Variants in THTPA observed in about 807,000 individuals in gnomAD.
THTPA encodes the protein thiamine triphosphatase, also known as thiamine-triphosphatase.
Under a neutral mutation model 16.5 loss-of-function variants are expected in THTPA, and 16 were observed. The ratio of observed to expected loss-of-function variants is 0.97; its 90% CI spans 0.66 to 1.47. THTPA has a LOEUF of 1.47. Ranked by LOEUF, THTPA falls within the 40% of genes most tolerant of loss-of-function variation. The pLI is 0.00. For synonymous variants in THTPA, 110 were observed against 115.5 expected (o/e 0.95, Z 0.30); for missense variants, 281 against 280.9 (o/e 1.00, Z 0.00).
the THTPA span, among the ~76,000 whole-genome samples, chr14:23,546,008 GCC>G: frequency 6.6e-6 from 1 of 152,176 alleles, no homozygotes. The surrounding 1 kb of genome is among the most constrained non-coding windows in gnomAD (Gnocchi z 4.7). Context: ...CCCAAGCCCA[GCC>G]CCAAAGGGAG....
rs553527307 is a variant in THTPA at position 23,560,234 on chromosome 14, T to C, written c.*1394T>C. 2 of 1,612,208 alleles carry C rather than the reference T, an allele frequency of 1.2e-6. No homozygotes were observed. Among genetic ancestry groups the C allele is most frequent in the East Asian group, 2.2e-5 (1 of 44,888 alleles). The stretch of plus-strand genomic sequence containing the variant: ...TCTCCTGGAGTCCCCAGGCCACCTC[T>C]GAACTCTGATCTTTACAAACCTTGG... On this transcript the variant is annotated 3_prime_UTR_variant, in exon 2 of 2. Transcript: ENST00000288014.
chr14:23,531,611 G>A, the THTPA span: 30 of 1,525,806 alleles, frequency 2.0e-5, no homozygotes, highest in Non-Finnish European at 2.5e-5. Context: ...GGGCAGGTGT[G>A]CGCAGGTGTT....
chr14:23,524,529 G>A, the THTPA span: 1,276 of 1,526,592 alleles, frequency 8.4e-4, 1 homozygote, highest in Non-Finnish European at 1.0e-3. This position sits in a 1 kb window ranked among gnomAD's most constrained non-coding sequence, Gnocchi z 5.6. Context: ...GGCAGATCTA[G>A]GAGTTGGGGG....
the THTPA span, among the ~76,000 whole-genome samples, chr14:23,544,917 TG>T: frequency 1.2e-4 from 18 of 152,148 alleles, no homozygotes; most frequent in Middle Eastern, 3.4e-3. Flanking sequence ...TGTCCCCCAT[TG>T]TTCTTTTCCC....
the THTPA span, chr14:23,523,040 C>T: frequency 7.1e-7 from 1 of 1,408,662 alleles, no homozygotes; most frequent in Non-Finnish European, 9.2e-7. This position sits in a 1 kb window ranked among gnomAD's most constrained non-coding sequence, Gnocchi z 4.1. Flanking sequence ...GTTCCCAGCA[C>T]CGGATTTCCA....
At position 23,557,075 on chromosome 14, in the gene THTPA, G is replaced by A. The variant is rs749553634; in HGVS notation, c.318G>A (p.Val106=). 5 of 1,614,222 alleles carry A rather than the reference G, an allele frequency of 3.1e-6. No homozygotes were observed. The highest frequency in any genetic ancestry group is 4.2e-6 in the Non-Finnish European group (5 of 1,180,040). The change falls in exon 1 of 2, where the codon GTG becomes GTA. Residue 106 remains valine (V), a synonymous_variant. Coordinates refer to ENST00000288014, the MANE Select transcript of THTPA (RefSeq NM_024328.6). ...CTGACGGCCTGGGGGCTGGAGATGT[G>A]GCTGCTGTGCTGGGCCCACTGGGGC... The part of the protein sequence containing the change: ...LRADGLGAGD[V]AAVLGPLGLQ...
chr14:23,534,942 C>T, the THTPA span: 1 of 1,536,180 alleles, frequency 6.5e-7, no homozygotes, highest in Non-Finnish European at 8.7e-7. This position sits in a 1 kb window ranked among gnomAD's most constrained non-coding sequence, Gnocchi z 4.5. Flanking sequence ...CTGGCAGGGA[C>T]AGCTTGGCCA....
chr14:23,528,022 C>G, the THTPA span, among the ~76,000 whole-genome samples: 1 of 151,882 alleles, frequency 6.6e-6, no homozygotes, highest in African/African-American at 2.4e-5. Flanking sequence ...TTCTCCTGCC[C>G]TCAGCCTCCC....
At chr14:23,531,921 C>T in the THTPA span, 1 of 585,046 alleles carries the variant, frequency 1.7e-6, no homozygotes, top group Non-Finnish European at 2.5e-6. Context: ...GGATTACAGG[C>T]ATGCGCACCA....
rs1883458677 is a variant in THTPA at position 23,560,135 on chromosome 14, C to T, written c.*1295C>T. ...TCCACACCCTTTTCCTGTAACTCCC[C>T]AAGTGCTGATCTCCAGATGACTCAA... On this transcript the variant is annotated 3_prime_UTR_variant, in exon 2 of 2. Transcript: ENST00000288014. The T allele has an allele frequency of 7.6e-6, 11 of 1,447,060 alleles. No individual in the cohort carries two copies. The highest frequency in any genetic ancestry group is 1.4e-5 in the African/African-American group (1 of 71,360). 89.6% of individuals were successfully genotyped at this position (1,447,060 alleles called of 1,614,324 possible). A position where few individuals can be genotyped will look rare whatever the true frequency, so the allele number is the denominator to read the frequency against.
At chr14:23,536,217 C>T in the THTPA span, among the ~76,000 whole-genome samples, 254 of 152,328 alleles carry the variant, frequency 1.7e-3, 6 homozygotes, top group East Asian at 0.039. Context: ...TCTCTCCATC[C>T]AGCAGCCAGA....
chr14:23,559,723 G>C lies in THTPA; in HGVS notation c.*883G>C. 6.2e-7 allele frequency: 1 copy of C among 1,611,200 alleles called. No individual in the cohort carries two copies. Among genetic ancestry groups the C allele is most frequent in the Non-Finnish European group, 8.5e-7 (1 of 1,178,040 alleles). On this transcript the variant is annotated 3_prime_UTR_variant, in exon 2 of 2. Coordinates refer to ENST00000288014, the MANE Select transcript of THTPA (RefSeq NM_024328.6). ...GCCCCCTGGGGTTTGGGACACAGGA[G>C]AATTTCAGGCTGTGAGTGGAGACAG...
At chr14:23,522,361 A>G in the THTPA span, 3 of 1,536,048 alleles carry the variant, frequency 2.0e-6, no homozygotes, top group Non-Finnish European at 2.6e-6. Context: ...TGGAGATGCC[A>G]GTGCTGCCTG....
the THTPA span, among the ~76,000 whole-genome samples, chr14:23,518,055 A>G: frequency 0.34 from 51,098 of 152,006 alleles, 11,246 homozygotes; most frequent in African/African-American, 0.63. This position sits in a 1 kb window ranked among gnomAD's most constrained non-coding sequence, Gnocchi z 4.5. Context: ...GGGTCTTGGG[A>G]TATGTCCCTT....
At chr14:23,553,532 G>A (rs1882126913), upstream of THTPA, among the ~76,000 whole-genome samples, 1 of 151,724 alleles carries the variant, frequency 6.6e-6, no homozygotes, top group African/African-American at 2.4e-5. Context: ...CCGGGGGGCA[G>A]AGGTTGCGGT....
the THTPA span, among the ~76,000 whole-genome samples, chr14:23,537,329 G>A: frequency 6.6e-6 from 1 of 151,142 alleles, no homozygotes; most frequent in African/African-American, 2.4e-5. Flanking sequence ...GCCCATCTAC[G>A]TCCTCTCTAG....
Position 23,556,811 on chromosome 14 carries a change from A to C in THTPA, c.54A>C (p.Thr18=). 6.2e-7 allele frequency: 1 copy of C among 1,613,652 alleles called. No homozygotes were observed. Among genetic ancestry groups the C allele is most frequent in the Non-Finnish European group, 8.5e-7 (1 of 1,179,804 alleles). Residue 18 remains threonine, a synonymous_variant, in exon 1 of 2, where the codon ACA becomes ACC. Transcript: ENST00000288014. ...GAAAGTTCCTTCCAGGGCCTGGCACAGAGGAGCGGCTGCAGGAGTTGGGGG... is the reference window on the plus strand; with the variant it reads ...GAAAGTTCCTTCCAGGGCCTGGCACCGAGGAGCGGCTGCAGGAGTTGGGGG... ...VERKFLPGPG[T]EERLQELGGT...
the THTPA span, chr14:23,527,899 T>A: frequency 2.7e-3 from 1,470 of 550,310 alleles, no homozygotes; most frequent in Non-Finnish European, 4.0e-3. Flanking sequence ...CCGCCCCCAC[T>A]CCTTTTTTTT....
In THTPA at chr14:23,559,861, G is replaced by T; in HGVS notation, c.*1021G>T. On this transcript the variant is annotated 3_prime_UTR_variant, in exon 2 of 2. Coordinates refer to ENST00000288014, the MANE Select transcript of THTPA (RefSeq NM_024328.6). ...TAGCCGCAGGGGGGCCTAGGAATAG[G>T]AGAGCAGGGACCAGGGTTAGCACCC... is the stretch of plus-strand genomic sequence containing the variant. 6.2e-7 allele frequency: 1 copy of T among 1,613,950 alleles called. No individual in the cohort carries two copies.
Sources: gnomAD v4.1 joint callset for allele counts (sites outside exome capture counted in the v4.1 genomes callset) on GRCh38, gnomAD v4.1.1 for gene constraint, Gnocchi (gnomAD v3.1) non-coding constraint, MANE v1.5 for transcripts, NCBI Gene and HGNC (gene_info 2026-07-23, HGNC 2026-07-21) for gene names.